Variants in ZNF423 observed in about 807,000 individuals in gnomAD.
The protein encoded by ZNF423 is Ebf-associated zinc finger protein.
ZNF423 carries 12 observed loss-of-function variants against 95.8 expected under a neutral mutation model. The observed-to-expected ratio is 0.13, with a 90% CI of 0.08 to 0.20. The LOEUF is 0.20. ZNF423 is among the 10% of genes least tolerant of loss of function. The pLI is 1.00. For missense variants in ZNF423, 1,316 were observed against 1,737.1 expected (o/e 0.76, Z 4.31); for synonymous variants, 749 against 711.9 (o/e 1.05, Z -0.83).
chr16:49,840,707 A>G (rs1208863630), intron 1 of ZNF423, among the ~76,000 whole-genome samples: 1 of 151,952 alleles, frequency 6.6e-6, no homozygotes, highest in Non-Finnish European at 1.5e-5. Context: ...ACACTCTCGC[A>G]TGCATCCACA....
At chr16:49,747,074 C>T (rs975387611) in intron 2 of ZNF423, among the ~76,000 whole-genome samples, 2 of 152,216 alleles carry the variant, frequency 1.3e-5, no homozygotes, top group Non-Finnish European at 2.9e-5. Context: ...CCATGCCCTT[C>T]GACTCAGTCA....
chr16:49,630,602 G>A (rs752447910), intron 4 of ZNF423, among the ~76,000 whole-genome samples: 1 of 152,090 alleles, frequency 6.6e-6, no homozygotes, highest in Non-Finnish European at 1.5e-5. Flanking sequence ...CAAGGATGGC[G>A]ATTTGCTTGG....
At chr16:49,531,882 T>A (rs973105468) in intron 5 of ZNF423, among the ~76,000 whole-genome samples, 10 of 152,200 alleles carry the variant, frequency 6.6e-5, no homozygotes, top group African/African-American at 2.2e-4. Context: ...ACCTGGGAGC[T>A]TGAGAGAAAT....
intron 2 of ZNF423, among the ~76,000 whole-genome samples, chr16:49,771,034 C>G (rs1410758624): frequency 6.6e-6 from 1 of 152,126 alleles, no homozygotes; most frequent in Non-Finnish European, 1.5e-5. Flanking sequence ...TCCCCTCTGC[C>G]AAGGCCCAAG....
intron 5 of ZNF423, among the ~76,000 whole-genome samples, chr16:49,562,948 T>C (rs1970066091): frequency 6.6e-6 from 1 of 152,162 alleles, no homozygotes. Context: ...CAAGCCCAGC[T>C]AATTTTTTTG....
intron 3 of ZNF423, among the ~76,000 whole-genome samples, chr16:49,715,839 A>C (rs111972798): frequency 1.3e-5 from 2 of 151,958 alleles, no homozygotes; most frequent in African/African-American, 4.8e-5. Flanking sequence ...GGAGTTCAAG[A>C]CCAACCTGGG....
intron 5 of ZNF423, among the ~76,000 whole-genome samples, chr16:49,531,493 C>G (rs557811961): frequency 1.6e-4 from 24 of 152,110 alleles, no homozygotes; most frequent in African/African-American, 5.5e-4. Flanking sequence ...CCACAAATAG[C>G]GCAGAACAGG....
intron 5 of ZNF423, among the ~76,000 whole-genome samples, chr16:49,526,349 C>T (rs1243573164): frequency 6.6e-6 from 1 of 152,166 alleles, no homozygotes; most frequent in East Asian, 1.9e-4. Flanking sequence ...TGCTTCAGAC[C>T]AGAACACAGC....
intron 5 of ZNF423, among the ~76,000 whole-genome samples, chr16:49,625,946 A>G (rs1453544916): frequency 6.6e-6 from 1 of 152,182 alleles, no homozygotes; most frequent in South Asian, 2.1e-4. Flanking sequence ...AAAATGGAAG[A>G]GATTGTCAAA....
intron 1 of ZNF423, among the ~76,000 whole-genome samples, chr16:49,799,791 G>T (rs2034554300): frequency 6.6e-6 from 1 of 152,060 alleles, no homozygotes; most frequent in Non-Finnish European, 1.5e-5. Flanking sequence ...GTTTTGTTTT[G>T]GTTTATTTTA....
rs777218052 is a variant in ZNF423 at position 49,636,700 on chromosome 16, C to T, written c.2476G>A (p.Ala826Thr). ...NCKFCSKAFHAIILLEKHLRE... is the reference protein window; with the variant it reads ...NCKFCSKAFHTIILLEKHLRE... The stretch of plus-strand genomic sequence containing the variant: ...AGGTGCTTCTCCAGCAGGATGATGG[C>T]GTGGAAGGCCTTGCTGCAGAACTTA... The change falls in exon 4 of 8, where the codon GCC becomes ACC. Residue 826 changes from alanine to threonine, a missense_variant. By Grantham distance (58) the Ala-to-Thr change is moderately conservative. Around this residue, in one of 6 missense-constraint regions of ZNF423, gnomAD observed 620 missense variants for 775.6 expected, o/e 0.80. Coordinates refer to ENST00000563137, the MANE Select transcript of ZNF423 (RefSeq NM_001379286.1). The surrounding 1 kb of genome is among the most constrained non-coding windows in gnomAD (Gnocchi z 8.6). 6.8e-6 allele frequency: 11 copies of T among 1,614,100 alleles called. No homozygotes were observed. The highest frequency in any genetic ancestry group is 3.3e-4 in the Middle Eastern group (2 of 6,062).
chr16:49,759,039 T>C (rs1048762490), intron 2 of ZNF423, among the ~76,000 whole-genome samples: 1 of 152,240 alleles, frequency 6.6e-6, no homozygotes, highest in African/African-American at 2.4e-5. Context: ...ATTGACTTTG[T>C]GGGTTTCTAG....
Position 49,637,158 on chromosome 16 carries a change from G to A in ZNF423, c.2018C>T (p.Pro673Leu). 1 of 1,613,708 alleles carries A rather than the reference G, an allele frequency of 6.2e-7. No individual in the cohort carries two copies. Among genetic ancestry groups the A allele is most frequent in the Non-Finnish European group, 8.5e-7 (1 of 1,180,030 alleles). ...LELLLRKQACPQCKEDFDSQE... is the reference protein window; with the variant it reads ...LELLLRKQACLQCKEDFDSQE... ...GGAGTCAAAGTCCTCTTTGCACTGG[G>A]GGCACGCTTGCTTCCGCAGCAGCAG... The change falls in exon 4 of 8, where the codon CCC becomes CTC. Residue 673 changes from proline (P) to leucine (L), a missense_variant. Transcript: ENST00000563137. This position sits in a 1 kb window ranked among gnomAD's most constrained non-coding sequence, Gnocchi z 5.6.
At position 49,837,989 on chromosome 16, in the gene ZNF423, G is replaced by A. The variant is rs529093327; in HGVS notation, c.40+17746C>T. ...TTATTGTCTGTCTTGCTACTAAGCC[G>A]TAAGCTCCCTGAAGGCAAGGACCCA... On this transcript the variant is annotated intron_variant, in intron 1 of 7. Transcript: ENST00000563137. Among the ~76,000 whole-genome samples, 90 of 152,310 alleles carry A rather than the reference G, an allele frequency of 5.9e-4. 1 individual carries two copies. The highest frequency in any genetic ancestry group is 2.1e-3 in the African/African-American group (88 of 41,564).
intron 5 of ZNF423, among the ~76,000 whole-genome samples, chr16:49,531,580 G>A (rs931719332): frequency 6.6e-6 from 1 of 152,110 alleles, no homozygotes; most frequent in African/African-American, 2.4e-5. Flanking sequence ...AGAAAGAGGA[G>A]GGCAGGTGAT....
At chr16:49,791,028 C>T (rs1370891719) in intron 1 of ZNF423, among the ~76,000 whole-genome samples, 1 of 151,946 alleles carries the variant, frequency 6.6e-6, no homozygotes, top group Non-Finnish European at 1.5e-5. Flanking sequence ...GACTATGTAA[C>T]CATGGTCTTC....
intron 3 of ZNF423, among the ~76,000 whole-genome samples, chr16:49,651,869 T>C (rs1037347150): frequency 1.3e-5 from 2 of 152,288 alleles, no homozygotes; most frequent in Admixed American, 1.3e-4. Flanking sequence ...TGAGCCCTGA[T>C]TGATAACCAA....
chr16:49,793,165 C>T (rs1386635369), intron 1 of ZNF423, among the ~76,000 whole-genome samples: 1 of 152,066 alleles, frequency 6.6e-6, no homozygotes, highest in African/African-American at 2.4e-5. Context: ...TTTTTTCTCC[C>T]CACAGCTGCA....
chr16:49,758,170 G>A (rs1038193311), intron 2 of ZNF423, among the ~76,000 whole-genome samples: 10 of 152,268 alleles, frequency 6.6e-5, no homozygotes, highest in African/African-American at 1.2e-4. Context: ...ACAGGGTCTC[G>A]CTCTGTCACC....
Sources: allele counts gnomAD v4.1 joint callset (sites outside exome capture counted in the v4.1 genomes callset), GRCh38; gene constraint gnomAD v4.1.1; regional missense constraint gnomAD v4.1.1; non-coding constraint Gnocchi (gnomAD v3.1); transcripts MANE v1.5; gene names NCBI Gene and HGNC (gene_info 2026-07-23, HGNC 2026-07-21).